Variants in PSPC1 observed in about 807,000 individuals in gnomAD.
The protein encoded by PSPC1 is paraspeckle protein 1.
PSPC1 carries 14 observed loss-of-function variants against 51.6 expected under a neutral mutation model. That is an observed-to-expected ratio of 0.27 (90% confidence interval 0.18 to 0.42). The LOEUF is 0.42. Ranked by LOEUF, PSPC1 falls within the 10% of genes least tolerant of loss-of-function variation. PSPC1 has a pLI of 1.00. For synonymous variants in PSPC1, 193 were observed against 231.9 expected, an observed-to-expected ratio of 0.83 and a Z score of 1.53; for missense variants, 406 against 701.1, an observed-to-expected ratio of 0.58 and a Z score of 4.75.
intron 5 of PSPC1, among the ~76,000 whole-genome samples, chr13:19,739,500 C>A (rs1364909581): frequency 6.6e-6 from 1 of 152,162 alleles, no homozygotes; most frequent in African/African-American, 2.4e-5. Context: ...GTAATCCCAG[C>A]ACTTTGGGAG....
chr13:19,706,066 T>C (rs1880617409), intron 7 of PSPC1, among the ~76,000 whole-genome samples: 1 of 152,238 alleles, frequency 6.6e-6, no homozygotes, highest in Admixed American at 6.5e-5. Flanking sequence ...TCAATCATTT[T>C]AGGGCATTTG....
At chr13:19,699,016 A>G (rs1302484272), downstream of PSPC1, among the ~76,000 whole-genome samples, 3 of 151,924 alleles carry the variant, frequency 2.0e-5, no homozygotes, top group Non-Finnish European at 2.9e-5. Context: ...TTTATATTCT[A>G]AACGGTTTTA....
At chr13:19,674,403 TCTTA>T (rs1299242596), downstream of PSPC1, among the ~76,000 whole-genome samples, 4 of 152,150 alleles carry the variant, frequency 2.6e-5, no homozygotes, top group Non-Finnish European at 5.9e-5. Context: ...ATGTGGAGAA[TCTTA>T]CTCAGTAGAA....
At position 19,782,254 on chromosome 13, in the gene PSPC1, C is replaced by T; in HGVS notation, c.372+132G>A. The T allele has an allele frequency of 7.3e-7, 1 of 1,362,864 alleles. No homozygotes were observed. Among genetic ancestry groups the T allele is most frequent in the Non-Finnish European group, 9.6e-7 (1 of 1,039,326 alleles). 84.4% of individuals were successfully genotyped at this position (1,362,864 alleles called of 1,614,324 possible). On this transcript the variant is annotated intron_variant, in intron 1 of 8. Transcript: ENST00000338910. This position sits in a 1 kb window ranked among gnomAD's most constrained non-coding sequence, Gnocchi z 4.5. ...AGCGGCCAACCCCGCACAGAGGAAT[C>T]GATGAGGCCGAGCGGCGCCACGGTT... is the stretch of plus-strand genomic sequence containing the variant.
At chr13:19,764,956 A>G (rs1312935426) in intron 2 of PSPC1, among the ~76,000 whole-genome samples, 2 of 151,952 alleles carry the variant, frequency 1.3e-5, no homozygotes, top group Admixed American at 1.3e-4. Flanking sequence ...CAAGCTACAC[A>G]TAATTTTTAA....
chr13:19,730,957 CAAAA>C (rs1483772556), intron 5 of PSPC1, among the ~76,000 whole-genome samples: 1 of 36,956 alleles, frequency 2.7e-5, no homozygotes, highest in African/African-American at 8.2e-5. Flanking sequence ...AAAAAAAAAA[CAAAA>C]AAACAAAAAA....
At chr13:19,748,988 T>G (rs1593701013) in intron 4 of PSPC1, among the ~76,000 whole-genome samples, 1 of 151,768 alleles carries the variant, frequency 6.6e-6, no homozygotes. Flanking sequence ...GGTGGGTAGA[T>G]CACTCGAGGC....
At chr13:19,718,804 C>T (rs1393353569) in intron 6 of PSPC1, among the ~76,000 whole-genome samples, 1 of 152,168 alleles carries the variant, frequency 6.6e-6, no homozygotes, top group East Asian at 1.9e-4. Flanking sequence ...AAGAAATGAG[C>T]TATCAACCCA....
At chr13:19,721,477 T>C (rs974274087) in intron 6 of PSPC1, among the ~76,000 whole-genome samples, 1 of 152,118 alleles carries the variant, frequency 6.6e-6, no homozygotes, top group Non-Finnish European at 1.5e-5. Context: ...AGACATGAGG[T>C]ATACCTACAA....
chr13:19,727,302 G>A (rs532662023), intron 6 of PSPC1, among the ~76,000 whole-genome samples: 18 of 152,254 alleles, frequency 1.2e-4, no homozygotes, highest in Admixed American at 9.8e-4. Context: ...GCTAAGGCAG[G>A]AGAGTCGCTT....
chr13:19,703,666 ATC>A lies in PSPC1; in HGVS notation c.1387-308_1387-307del, dbSNP rs139976823. Among the ~76,000 whole-genome samples the A allele has an allele frequency of 2.3e-3, 350 of 152,320 alleles. 1 individual carries two copies. Among genetic ancestry groups the A allele is most frequent in the African/African-American group, 8.1e-3 (338 of 41,566 alleles). On this transcript the variant is annotated intron_variant, in intron 8 of 8. Coordinates refer to ENST00000338910, the MANE Select transcript of PSPC1 (RefSeq NM_001354909.2). ...TTAAGCCTAAACAATATTATAATAA[ATC>A]TCTGATTCCTTTTTTCAAAAGTTTA...
At chr13:19,754,189 A>C (rs1886843223) in intron 3 of PSPC1, among the ~76,000 whole-genome samples, 1 of 151,804 alleles carries the variant, frequency 6.6e-6, no homozygotes, top group Admixed American at 6.6e-5. Context: ...GGTTCAAGCG[A>C]TTCTCCTGCC....
At chr13:19,686,234 CCA>C (rs902521099) in intron 6 of PSPC1, among the ~76,000 whole-genome samples, 2 of 152,198 alleles carry the variant, frequency 1.3e-5, no homozygotes, top group African/African-American at 4.8e-5. Flanking sequence ...CGGCATTGCT[CCA>C]CATCTTGCAT....
intron 4 of PSPC1, 119 bp downstream of exon 4, chr13:19,751,152 T>G: frequency 4.3e-6 from 3 of 701,640 alleles, no homozygotes; most frequent in Non-Finnish European, 6.4e-6. Context: ...CCTAATATGT[T>G]GAGTTCCAAC....
intron 5 of PSPC1, among the ~76,000 whole-genome samples, chr13:19,739,859 G>GT (rs1183627422): frequency 7.4e-6 from 1 of 135,322 alleles, no homozygotes; most frequent in Admixed American, 7.7e-5. Flanking sequence ...GTTGAGAGTT[G>GT]TTTAAAAAAA....
chr13:19,741,472 G>T, intron 5 of PSPC1, 93 bp downstream of exon 5: 2 of 865,146 alleles, frequency 2.3e-6, no homozygotes, highest in Non-Finnish European at 3.6e-6. Context: ...TATTTTTCCT[G>T]TGATACTCAA....
intron 7 of PSPC1, chr13:19,675,862 G>C (rs1270044152): frequency 6.6e-6 from 1 of 152,162 alleles, no homozygotes; most frequent in African/African-American, 2.4e-5. Context: ...AATAAAAGCA[G>C]ATTCAATGTC....
At chr13:19,693,748 C>T (rs1878840864) in intron 6 of PSPC1, among the ~76,000 whole-genome samples, 1 of 152,064 alleles carries the variant, frequency 6.6e-6, no homozygotes, top group Non-Finnish European at 1.5e-5. Context: ...CTTCGTGCTC[C>T]AACTCCTTCC....
At position 19,769,583 on chromosome 13, in the gene PSPC1, A is replaced by G. The variant is rs149781286; in HGVS notation, c.674+2659T>C. 6.9e-3 allele frequency among the ~76,000 whole-genome samples: 1,046 copies of G among 151,554 alleles called. 7 individuals carry two copies. Among genetic ancestry groups the G allele is most frequent in the African/African-American group, 0.024 (988 of 41,272 alleles). On this transcript the variant is annotated intron_variant, in intron 2 of 8. Coordinates refer to ENST00000338910, the MANE Select transcript of PSPC1 (RefSeq NM_001354909.2). ...AAAACCCCGTCTTACTAAAAACACAAAATTAGCTGGGCATGGTGGCGCATG... is the reference window on the plus strand; with the variant it reads ...AAAACCCCGTCTTACTAAAAACACAGAATTAGCTGGGCATGGTGGCGCATG...
Sources: allele counts gnomAD v4.1 joint callset (sites outside exome capture counted in the v4.1 genomes callset), GRCh38; gene constraint gnomAD v4.1.1; non-coding constraint Gnocchi (gnomAD v3.1); transcripts MANE v1.5; gene names NCBI Gene and HGNC (gene_info 2026-07-23, HGNC 2026-07-21).